PCBP3: variants seen among roughly 807,000 people sequenced by gnomAD.
PCBP3 encodes the protein poly(rC)-binding protein 3.
A neutral mutation model predicts 52.7 loss-of-function variants in PCBP3; 25 were observed. The ratio of observed to expected loss-of-function variants is 0.47; its 90% confidence interval spans 0.35 to 0.66. The LOEUF (loss-of-function observed/expected upper bound fraction) is 0.66. Among genes scored for constraint, PCBP3 ranks in the 30% least tolerant of loss-of-function variants. The pLI is 0.01. For synonymous variants in PCBP3, 162 were observed against 183.0 expected (o/e 0.89, Z 0.93); for missense variants, 391 against 490.3 (o/e 0.80, Z 1.91).
At chr21:45,843,293 G>A (rs1055983834) in intron 4 of PCBP3, among the ~76,000 whole-genome samples, 3 of 152,184 alleles carry the variant, frequency 2.0e-5, no homozygotes, top group Admixed American at 6.5e-5. Flanking sequence ...ACTATCCCCT[G>A]TGCCTTCGCA....
At chr21:45,889,599 A>G (rs1324426504) in intron 5 of PCBP3, among the ~76,000 whole-genome samples, 1 of 152,188 alleles carries the variant, frequency 6.6e-6, no homozygotes, top group Non-Finnish European at 1.5e-5. Flanking sequence ...GCCCTTGGGA[A>G]AGGATGCTGT....
rs749618031 is a variant in PCBP3, at chr21:45,919,814, G to GGTGTGT, written c.717+2203_717+2208dup. Among the ~76,000 whole-genome samples, 119 of 148,806 alleles carry GGTGTGT rather than the reference G, an allele frequency of 8.0e-4. 1 individual carries two copies. The South Asian group carries it at 0.01, about 13-fold the overall frequency. ...AGCAGCAGCGTTGGGCAGAAGCAGA[G>GGTGTGT]GTGTGTGTGTGTGTGTGTGTGTGCG... is the stretch of plus-strand genomic sequence containing the variant. On this transcript the variant is annotated intron_variant, in intron 13 of 17. Coordinates refer to ENST00000681687, the MANE Select transcript of PCBP3 (RefSeq NM_001384156.1).
chr21:45,860,521 A>AAGG (rs2094469433), intron 5 of PCBP3, among the ~76,000 whole-genome samples: 1 of 152,196 alleles, frequency 6.6e-6, no homozygotes, highest in Non-Finnish European at 1.5e-5. Flanking sequence ...TGGAAAACAG[A>AAGG]AGGGTTCCAT....
chr21:45,740,412 C>CA (rs2086341538), intron 3 of PCBP3, among the ~76,000 whole-genome samples: 1 of 152,156 alleles, frequency 6.6e-6, no homozygotes, highest in South Asian at 2.1e-4. Flanking sequence ...GCCAGATTGG[C>CA]AAATTGATTT....
Position 45,800,167 on chromosome 21 carries a change from G to C in PCBP3, c.-126+44715G>C, listed in dbSNP as rs1024195057. Among the ~76,000 whole-genome samples, 1 of 152,150 alleles carries C rather than the reference G, an allele frequency of 6.6e-6. No individual in the cohort carries two copies. The stretch of plus-strand genomic sequence containing the variant: ...GCACAGAGTAATGGCTGCAGGTGGG[G>C]CCTTCCAGAGGCACAGGCTGAGGGG... On this transcript the variant is annotated intron_variant, in intron 4 of 17. Coordinates refer to ENST00000681687, the MANE Select transcript of PCBP3 (RefSeq NM_001384156.1). The surrounding 1 kb of genome is among the most constrained non-coding windows in gnomAD (Gnocchi z 5.3).
In PCBP3 at chr21:45,735,522, G is replaced by C. The variant is rs958926527; in HGVS notation, c.-162+93G>C. Reference sequence around the variant, plus strand: ...GCAGAGTTGAAAGTCTTGCTCTCAAGGGAAGCTGTGTGTCTCTGCTGACCC... The same window carrying C: ...GCAGAGTTGAAAGTCTTGCTCTCAACGGAAGCTGTGTGTCTCTGCTGACCC... On this transcript the variant is annotated intron_variant, in intron 3 of 17. Transcript: ENST00000681687. The surrounding 1 kb of genome is among the most constrained non-coding windows in gnomAD (Gnocchi z 4.0). 6.6e-6 allele frequency: 1 copy of C among 152,194 alleles called. No homozygotes were observed. The highest frequency in any genetic ancestry group is 1.5e-5 in the Non-Finnish European group (1 of 68,046). The allele number at this position is 152,194 out of a possible 1,614,324, so 9.4% of individuals were successfully genotyped here. A position where few individuals can be genotyped will look rare whatever the true frequency, so the allele number is the denominator to read the frequency against.
At chr21:45,893,178 A>G (rs560248412) in intron 5 of PCBP3, among the ~76,000 whole-genome samples, 4 of 151,934 alleles carry the variant, frequency 2.6e-5, no homozygotes, top group African/African-American at 7.2e-5. Context: ...GAGGCCTTAG[A>G]CTAAACTCTG....
intron 4 of PCBP3, among the ~76,000 whole-genome samples, chr21:45,790,832 G>A (rs984209437): frequency 1.3e-5 from 2 of 152,208 alleles, no homozygotes; most frequent in Non-Finnish European, 2.9e-5. Flanking sequence ...GCAAAAGTGG[G>A]GTGCTCTGGA....
At chr21:45,797,705 C>T (rs113414337) in intron 4 of PCBP3, among the ~76,000 whole-genome samples, 92 of 1,286 alleles carry the variant, frequency 0.072, no homozygotes, top group East Asian at 0.1. Flanking sequence ...TGCATGGATC[C>T]ACAGAGAGTG....
intron 4 of PCBP3, chr21:45,761,269 C>G (rs1253956222): frequency 6.6e-6 from 1 of 152,168 alleles, no homozygotes; most frequent in Admixed American, 6.5e-5. Flanking sequence ...TCTATTCTGT[C>G]GCCTTTTTGA....
chr21:45,774,037 G>A (rs2090070670), intron 4 of PCBP3, among the ~76,000 whole-genome samples: 1 of 152,080 alleles, frequency 6.6e-6, no homozygotes, highest in Non-Finnish European at 1.5e-5. Context: ...ATCACTATTG[G>A]TGTGTGGAAA....
rs542328260 is a variant in PCBP3 at position 45,685,097 on chromosome 21, G to A, written c.-200+16145G>A. On this transcript the variant is annotated intron_variant, in intron 2 of 17. Transcript: ENST00000681687. ...CTAACATTAGATGCAAAGACCAAAT[G>A]TTACACTTCCTTTAAAAACAAAGAG... Among the ~76,000 whole-genome samples, 5 of 152,280 alleles carry A rather than the reference G, an allele frequency of 3.3e-5. No individual in the cohort carries two copies. In the South Asian group the frequency reaches 1.0e-3, roughly 32 times the overall value.
chr21:45,659,337 C>CTTTTTTTTTTTTTTTTT (rs36113182), intron 1 of PCBP3, among the ~76,000 whole-genome samples: 1 of 78,748 alleles, frequency 1.3e-5, no homozygotes, highest in African/African-American at 5.0e-5. Context: ...TTTTACTTTC[C>CTTTTTTTTTTTTTTTTT]TTTTTTTTTT....
At chr21:45,941,049 G>C (rs1326096659) in intron 17 of PCBP3, among the ~76,000 whole-genome samples, 1 of 152,240 alleles carries the variant, frequency 6.6e-6, no homozygotes, top group African/African-American at 2.4e-5. Flanking sequence ...GAGTGGGTGA[G>C]AGGCTGCCTG....
At chr21:45,811,538 T>C (rs1291691942) in intron 4 of PCBP3, among the ~76,000 whole-genome samples, 1 of 152,264 alleles carries the variant, frequency 6.6e-6, no homozygotes, top group Non-Finnish European at 1.5e-5. Context: ...CACAGTCCCT[T>C]TGCCACAGAA....
At chr21:45,813,322 C>T (rs115861933) in intron 4 of PCBP3, among the ~76,000 whole-genome samples, 2,825 of 152,250 alleles carry the variant, frequency 0.019, 94 homozygotes, top group African/African-American at 0.064. Context: ...AGTGAATTGT[C>T]TTCTCCGAAA....
chr21:45,738,956 C>T (rs112664044), intron 3 of PCBP3, among the ~76,000 whole-genome samples: 16 of 77,120 alleles, frequency 2.1e-4, no homozygotes, highest in South Asian at 6.1e-4. Flanking sequence ...TTCCTGTCCA[C>T]GGTCCTCTGG....
intron 9 of PCBP3, among the ~76,000 whole-genome samples, chr21:45,908,996 C>G (rs1212675552): frequency 6.6e-6 from 1 of 152,150 alleles, no homozygotes; most frequent in Non-Finnish European, 1.5e-5. Context: ...CAGCCCCCAG[C>G]TAGTCTCCAG....
chr21:45,744,832 A>G (rs2086708753), intron 3 of PCBP3, among the ~76,000 whole-genome samples: 1 of 152,004 alleles, frequency 6.6e-6, no homozygotes, highest in Non-Finnish European at 1.5e-5. Context: ...TCATGTTTTT[A>G]TTATTTAATT....
Sources: gnomAD v4.1 joint callset for allele counts (sites outside exome capture counted in the v4.1 genomes callset) on GRCh38, gnomAD v4.1.1 for gene constraint, Gnocchi (gnomAD v3.1) non-coding constraint, MANE v1.5 for transcripts, NCBI Gene and HGNC (gene_info 2026-07-23, HGNC 2026-07-21) for gene names.